Variants in ZNF516 observed in about 807,000 individuals in gnomAD.
ZNF516 encodes the protein zinc finger protein 516.
A neutral mutation model predicts 79.7 loss-of-function variants in ZNF516; 19 were observed. That is an observed-to-expected ratio of 0.24 (90% CI 0.17 to 0.35). The LOEUF is 0.35. ZNF516 is among the 10% of genes least tolerant of loss of function. The pLI is 1.00. For synonymous variants in ZNF516, 877 were observed against 739.5 expected (o/e 1.19, Z -3.02); for missense variants, 1,678 against 1,679.5 (o/e 1.00, Z 0.02).
chr18:76,375,277 G>A (rs1263986539), intron 4 of ZNF516, among the ~76,000 whole-genome samples: 1 of 152,214 alleles, frequency 6.6e-6, no homozygotes, highest in African/African-American at 2.4e-5. Flanking sequence ...CCAAATAGAG[G>A]ATGGATGTGA....
intron 3 of ZNF516, among the ~76,000 whole-genome samples, chr18:76,427,561 T>C (rs560047003): frequency 5.9e-5 from 9 of 152,286 alleles, no homozygotes; most frequent in Admixed American, 3.3e-4. Context: ...GCAAACTAGA[T>C]TGAATCAATG....
chr18:76,427,935 A>C (rs2075616233), intron 3 of ZNF516, among the ~76,000 whole-genome samples: 1 of 152,234 alleles, frequency 6.6e-6, no homozygotes, highest in Non-Finnish European at 1.5e-5. Flanking sequence ...CATAAAGGCA[A>C]TTTTAGAAAA....
rs1305463034 is a variant in ZNF516, at chr18:76,464,861, T to TCA, written c.-271-1722_-271-1721dup. 2.0e-5 allele frequency among the ~76,000 whole-genome samples: 3 copies of TCA among 152,230 alleles called. No homozygotes were observed. The East Asian group carries it at 5.8e-4, about 29-fold the overall frequency. On this transcript the variant is annotated intron_variant, in intron 1 of 6. Transcript: ENST00000443185. Reference sequence around the variant, plus strand: ...CATCTTTTGAAGGGTGGGGGATGTATCATGGGAGCCTTACGCAGTTGGAGG... The same window carrying TCA: ...CATCTTTTGAAGGGTGGGGGATGTATCACATGGGAGCCTTACGCAGTTGGAGG...
At chr18:76,445,026 C>A (rs1911957121) in intron 2 of ZNF516, among the ~76,000 whole-genome samples, 1 of 152,170 alleles carries the variant, frequency 6.6e-6, no homozygotes, top group African/African-American at 2.4e-5. Flanking sequence ...ACGCACCCAG[C>A]AGAGCCATGC....
At chr18:76,479,005 G>A (rs1295759657) in intron 1 of ZNF516, among the ~76,000 whole-genome samples, 3 of 151,802 alleles carry the variant, frequency 2.0e-5, no homozygotes, top group African/African-American at 4.8e-5. Context: ...GCAGTGAGCC[G>A]AGATCATGCC....
chr18:76,474,958 T>A (rs749341095), intron 1 of ZNF516, among the ~76,000 whole-genome samples: 2 of 152,190 alleles, frequency 1.3e-5, no homozygotes, highest in African/African-American at 2.4e-5. Context: ...AGACCAATAT[T>A]TAAGCAAGAA....
At chr18:76,472,363 T>C (rs775227028) in intron 1 of ZNF516, among the ~76,000 whole-genome samples, 5 of 139,034 alleles carry the variant, frequency 3.6e-5, no homozygotes, top group Non-Finnish European at 7.4e-5. Flanking sequence ...CACTTGCACA[T>C]GTGTGTGTGC....
intron 4 of ZNF516, 123 bp from the exon 5 acceptor site, chr18:76,371,694 T>G (rs918962867): frequency 2.3e-5 from 17 of 742,012 alleles, no homozygotes; most frequent in Non-Finnish European, 3.1e-5. Flanking sequence ...TGTCATCATG[T>G]GAGGCTCCCT....
chr18:76,477,243 G>A (rs1331096067), intron 1 of ZNF516, among the ~76,000 whole-genome samples: 2 of 152,156 alleles, frequency 1.3e-5, no homozygotes, highest in Non-Finnish European at 2.9e-5. Context: ...AAGTCAGACA[G>A]GAAACAGAAT....
At chr18:76,461,304 T>C (rs1475963426) in intron 2 of ZNF516, among the ~76,000 whole-genome samples, 1 of 152,228 alleles carries the variant, frequency 6.6e-6, no homozygotes, top group East Asian at 1.9e-4. Context: ...GTGAGGCCAG[T>C]GTCTCGTCTA....
rs376928847 is a variant in ZNF516, at chr18:76,392,256, T to G, written c.1811-11953A>C. Reference sequence around the variant, plus strand: ...CATCTTTTGACATAGGGAAAAAGACTCTAGGTTCCTAAATAGATGTAAGAC... The same window carrying G: ...CATCTTTTGACATAGGGAAAAAGACGCTAGGTTCCTAAATAGATGTAAGAC... On this transcript the variant is annotated intron_variant, in intron 3 of 6. Coordinates refer to ENST00000443185, the MANE Select transcript of ZNF516 (RefSeq NM_014643.4). 7.4e-4 allele frequency among the ~76,000 whole-genome samples: 113 copies of G among 152,300 alleles called. No homozygotes were observed. In the South Asian group the frequency reaches 0.023, roughly 31 times the overall value.
chr18:76,438,048 G>A (rs1192527499), intron 3 of ZNF516, among the ~76,000 whole-genome samples: 2 of 152,240 alleles, frequency 1.3e-5, no homozygotes, highest in Non-Finnish European at 2.9e-5. Context: ...AGCGGGAGTA[G>A]TGAAATTAGT....
chr18:76,486,904 T>C (rs1914864916), intron 1 of ZNF516, among the ~76,000 whole-genome samples: 1 of 152,168 alleles, frequency 6.6e-6, no homozygotes, highest in African/African-American at 2.4e-5. Flanking sequence ...GAATACGAAG[T>C]AAATCTACCA....
intron 3 of ZNF516, among the ~76,000 whole-genome samples, chr18:76,425,384 C>G (rs1178878815): frequency 6.6e-6 from 1 of 152,136 alleles, no homozygotes; most frequent in Non-Finnish European, 1.5e-5. Context: ...ATTTTTTAAT[C>G]AAAACTAAAT....
intron 3 of ZNF516, among the ~76,000 whole-genome samples, chr18:76,419,193 C>T (rs924188565): frequency 6.6e-6 from 1 of 152,198 alleles, no homozygotes; most frequent in East Asian, 1.9e-4. Flanking sequence ...GGATTATACA[C>T]GAGGCTGTAT....
chr18:76,430,152 C>T (rs1403973982), intron 3 of ZNF516, among the ~76,000 whole-genome samples: 1 of 152,212 alleles, frequency 6.6e-6, no homozygotes, highest in Non-Finnish European at 1.5e-5. Flanking sequence ...GTCCATGATG[C>T]TTCCGAAGGT....
chr18:76,422,840 G>C (rs2075525617), intron 3 of ZNF516, among the ~76,000 whole-genome samples: 1 of 152,192 alleles, frequency 6.6e-6, no homozygotes, highest in Non-Finnish European at 1.5e-5. Flanking sequence ...TGACAAACTG[G>C]AATAGATAAG....
chr18:76,430,793 T>C (rs1013169345), intron 3 of ZNF516, among the ~76,000 whole-genome samples: 1 of 152,232 alleles, frequency 6.6e-6, no homozygotes, highest in Non-Finnish European at 1.5e-5. Flanking sequence ...ACACTCAGAT[T>C]TGGCACATCT....
intron 3 of ZNF516, among the ~76,000 whole-genome samples, chr18:76,404,389 T>TA (rs2075272352): frequency 6.6e-6 from 1 of 152,064 alleles, no homozygotes; most frequent in South Asian, 2.1e-4. Flanking sequence ...ACGGCAGTTT[T>TA]AGAGTATCTG....
Sources: gnomAD v4.1 joint callset for allele counts (sites outside exome capture counted in the v4.1 genomes callset) on GRCh38, gnomAD v4.1.1 for gene constraint, MANE v1.5 for transcripts, NCBI Gene and HGNC (gene_info 2026-07-23, HGNC 2026-07-21) for gene names.